The following FMNL3 variants were observed in gnomAD, a reference collection of about 807,000 sequenced individuals.
FMNL3 encodes formin like 3, also known as formin-like protein 3.
Under a neutral mutation model 119.6 loss-of-function variants are expected in FMNL3, and 57 were observed. The observed-to-expected ratio is 0.48, with a 90% CI of 0.39 to 0.59. The LOEUF (loss-of-function observed/expected upper bound fraction) is 0.59. Among genes scored for constraint, FMNL3 ranks in the 20% least tolerant of loss-of-function variants. The pLI, the probability that FMNL3 is intolerant of heterozygous loss-of-function variation, is 0.00. For synonymous variants in FMNL3, 491 were observed against 507.3 expected (o/e 0.97, Z 0.43); for missense variants, 1,053 against 1,323.5 (o/e 0.80, Z 3.17).
Position 49,641,035 on chromosome 12 carries a change from GGAGA to G in FMNL3, c.*4776_*4779del, listed in dbSNP as rs1942567997. On this transcript the variant is annotated 3_prime_UTR_variant, in exon 26 of 26. Transcript: ENST00000335154. Reference sequence around the variant, plus strand: ...CAGAGGAGGTGAGAGCTATGTGGAGGGAGAGAAAGGGAATCTGGCCTGTGCTTAA... The same window carrying G: ...CAGAGGAGGTGAGAGCTATGTGGAGGGAAAGGGAATCTGGCCTGTGCTTAA... 6.6e-6 allele frequency: 1 copy of G among 152,230 alleles called. No individual in the cohort carries two copies. Among genetic ancestry groups the G allele is most frequent in the Non-Finnish European group, 1.5e-5 (1 of 68,058 alleles). The allele number at this position is 152,230 out of a possible 1,614,324, so 9.4% of individuals were successfully genotyped here. A position where few individuals can be genotyped will look rare whatever the true frequency, so the allele number is the denominator to read the frequency against.
In FMNL3 at chr12:49,641,808, G is replaced by A. The variant is rs1434382060; in HGVS notation, c.*4007C>T. The A allele has an allele frequency of 3.2e-6, 3 of 951,824 alleles. No individual in the cohort carries two copies. Among genetic ancestry groups the A allele is most frequent in the Non-Finnish European group, 5.0e-6 (3 of 602,938 alleles). The allele number at this position is 951,824 out of a possible 1,614,324, so 59.0% of individuals were successfully genotyped here. A position where few individuals can be genotyped will look rare whatever the true frequency, so the allele number is the denominator to read the frequency against. ...CACAGTCCTGTGGATCTCTTCCAGA[G>A]GCAAGGGCCTTCTTGACCATCTGTA... On this transcript the variant is annotated 3_prime_UTR_variant, in exon 26 of 26. Coordinates refer to ENST00000335154, the MANE Select transcript of FMNL3 (RefSeq NM_175736.5).
intron 1 of FMNL3, among the ~76,000 whole-genome samples, chr12:49,684,488 A>C (rs1247249498): frequency 6.6e-6 from 1 of 152,224 alleles, no homozygotes; most frequent in Non-Finnish European, 1.5e-5. Context: ...GGAAAGAATC[A>C]ACTGAGAAGC....
intron 21 of FMNL3, 128 bp downstream of exon 21, chr12:49,648,901 G>T (rs1213774854): frequency 8.6e-6 from 12 of 1,403,118 alleles, no homozygotes; most frequent in Non-Finnish European, 1.1e-5. Context: ...GGAAAGCTTT[G>T]AAGTGGTCAG....
At chr12:49,690,661 C>T (rs1356996238) in intron 1 of FMNL3, among the ~76,000 whole-genome samples, 1 of 152,220 alleles carries the variant, frequency 6.6e-6, no homozygotes, top group African/African-American at 2.4e-5. Flanking sequence ...CTTTCCACCA[C>T]ACCTCTTAGC....
chr12:49,677,088 G>A (rs1003219027), intron 1 of FMNL3, among the ~76,000 whole-genome samples: 2 of 152,054 alleles, frequency 1.3e-5, no homozygotes, highest in East Asian at 1.9e-4. Context: ...ACCTCCTTTC[G>A]AATTGCCAGC....
In FMNL3 at chr12:49,649,082, G is replaced by C; in HGVS notation, c.2462C>G (p.Pro821Arg). 1 of 1,613,416 alleles carries C rather than the reference G, an allele frequency of 6.2e-7. No homozygotes were observed. The highest frequency in any genetic ancestry group is 8.5e-7 in the Non-Finnish European group (1 of 1,179,590). The change falls in exon 21 of 26, where the codon CCA (proline) becomes CGA (arginine). Residue 821 changes from proline to arginine, a missense_variant. Physicochemically the swap from Pro to Arg is moderately radical, Grantham distance 103 (BLOSUM62 -2). Transcript: ENST00000335154. The surrounding 1 kb of genome is among the most constrained non-coding windows in gnomAD (Gnocchi z 5.6). ...FIALTVKEKY[P>R]DLANFWHELH... is the part of the protein sequence containing the mutation. ...CTCATGCCAGAAGTTAGCCAGGTCT[G>C]GGTATTTCTCCTTCACTGTCAAGGC...
chr12:49,653,582 G>T, intron 12 of FMNL3, 143 bp downstream of exon 12: 1 of 1,230,146 alleles, frequency 8.1e-7, no homozygotes, highest in Non-Finnish European at 1.1e-6. Context: ...CAGTGGCTCA[G>T]GCCTGAGTAT....
rs1322438469 is a variant in FMNL3, at chr12:49,636,558, C to T, written c.*9257G>A. The T allele has an allele frequency of 2.6e-6, 2 of 766,118 alleles. No individual in the cohort carries two copies. Among genetic ancestry groups the T allele is most frequent in the African/African-American group, 1.7e-5 (1 of 57,714 alleles). 47.5% of individuals were successfully genotyped at this position (766,118 alleles called of 1,614,324 possible). On this transcript the variant is annotated 3_prime_UTR_variant, in exon 26 of 26. Coordinates refer to ENST00000335154, the MANE Select transcript of FMNL3 (RefSeq NM_175736.5). ...GATCCCCTCTTAAGAACTACCATTG[C>T]AGTGGCTGCTCCCACAGAGCCCCCT... is the stretch of plus-strand genomic sequence containing the variant.
rs1157008568 is a variant in FMNL3, at chr12:49,647,686, A to G, written c.2778+17T>C. 1 of 1,608,994 alleles carries G rather than the reference A, an allele frequency of 6.2e-7. No homozygotes were observed. The highest frequency in any genetic ancestry group is 1.1e-5 in the South Asian group (1 of 90,770). ...TTTCTCGCAACCAAACTTCTTAAAAAGCTCTCTGCAGCTTACCTTGTAAGA... is the reference window on the plus strand; with the variant it reads ...TTTCTCGCAACCAAACTTCTTAAAAGGCTCTCTGCAGCTTACCTTGTAAGA... On this transcript the variant is annotated intron_variant, in intron 23 of 25. Coordinates refer to ENST00000335154, the MANE Select transcript of FMNL3 (RefSeq NM_175736.5). The surrounding 1 kb of genome is among the most constrained non-coding windows in gnomAD (Gnocchi z 4.9).
chr12:49,678,483 G>A (rs1195863774), intron 1 of FMNL3, among the ~76,000 whole-genome samples: 1 of 151,614 alleles, frequency 6.6e-6, no homozygotes, highest in Admixed American at 6.6e-5. Context: ...TTTATTTTGA[G>A]ACAGGGTCTC....
chr12:49,658,152 G>A (rs1943627538), intron 6 of FMNL3, among the ~76,000 whole-genome samples: 1 of 152,216 alleles, frequency 6.6e-6, no homozygotes, highest in Admixed American at 6.5e-5. Flanking sequence ...AGGAGGAATG[G>A]CAGAGTGAGA....
chr12:49,686,503 G>C (rs373298897), intron 1 of FMNL3, among the ~76,000 whole-genome samples: 3 of 150,596 alleles, frequency 2.0e-5, no homozygotes, highest in Non-Finnish European at 4.4e-5. Flanking sequence ...GCATGAACTC[G>C]GGAGGCGGAG....
At position 49,652,564 on chromosome 12, in the gene FMNL3, C is replaced by T. The variant is rs138193925; in HGVS notation, c.1324-352G>A. ...GCTCTCTCCATAACCCTTTGGGCCTCATTTTGCTTTAATTTCACTTGGCCT... is the reference window on the plus strand; with the variant it reads ...GCTCTCTCCATAACCCTTTGGGCCTTATTTTGCTTTAATTTCACTTGGCCT... On this transcript the variant is annotated intron_variant, in intron 13 of 25. Coordinates refer to ENST00000335154, the MANE Select transcript of FMNL3 (RefSeq NM_175736.5). Among the ~76,000 whole-genome samples, 243 of 152,292 alleles carry T rather than the reference C, an allele frequency of 1.6e-3. No homozygotes were observed. The Middle Eastern group carries it at 0.02, about 13-fold the overall frequency.
At chr12:49,653,688 C>T (rs747989169) in intron 12 of FMNL3, 37 bp downstream of exon 12, 65 of 1,611,612 alleles carry the variant, frequency 4.0e-5, no homozygotes, top group Non-Finnish European at 5.2e-5. Context: ...GAGCTTCCAT[C>T]AACAGTGGCT....
Position 49,645,913 on chromosome 12 carries a change from A to G in FMNL3, c.2996-10T>C. ...GGCTGGCAGTGGAGGCCTGTGGGGG[A>G]AGAGAGAGACCTGTGAACAGGATGG... is the stretch of plus-strand genomic sequence containing the variant. On this transcript the variant is annotated splice_polypyrimidine_tract_variant and intron_variant, in intron 25 of 25. Transcript: ENST00000335154. 1 of 1,609,958 alleles carries G rather than the reference A, an allele frequency of 6.2e-7. No individual in the cohort carries two copies. Among genetic ancestry groups the G allele is most frequent in the South Asian group, 1.1e-5 (1 of 90,460 alleles).
chr12:49,668,525 G>A lies in FMNL3; in HGVS notation c.156C>T (p.Ala52=). The A allele has an allele frequency of 1.2e-6, 2 of 1,614,132 alleles. No individual in the cohort carries two copies. The highest frequency in any genetic ancestry group is 1.7e-5 in the Admixed American group (1 of 60,016). ...CATTGTCATACTGCCGCAGGAGCCG[G>A]GCCTTGTCTGGAGGCAGGTTCATGG... is the stretch of plus-strand genomic sequence containing the variant. The part of the protein sequence containing the change: ...LSSMNLPPDK[A]RLLRQYDNEK... The change falls in exon 2 of 26, where the codon GCC becomes GCT. Residue 52 remains alanine, a synonymous_variant. Transcript: ENST00000335154.
chr12:49,645,009 T>G lies in FMNL3; in HGVS notation c.*806A>C, dbSNP rs1231378490. 7.3e-6 allele frequency: 1 copy of G among 136,646 alleles called. No individual in the cohort carries two copies. The highest frequency in any genetic ancestry group is 2.8e-5 in the African/African-American group (1 of 35,140). The allele number at this position is 136,646 out of a possible 1,614,324, so 8.5% of individuals were successfully genotyped here. A position where few individuals can be genotyped will look rare whatever the true frequency, so the allele number is the denominator to read the frequency against. ...TAAGAGGAAAGGGAGGTGGTACATG[T>G]ACAAAAAAGTGGGCCCCCACATTCC... On this transcript the variant is annotated 3_prime_UTR_variant, in exon 26 of 26. Transcript: ENST00000335154.
In FMNL3 at chr12:49,641,871, C is replaced by T. The variant is rs758782882; in HGVS notation, c.*3944G>A. Reference sequence around the variant, plus strand: ...TGCCTGCCAGCTTTGGCCTCAGGCACGTGGTGCCCCTGCTTCATGCACTGC... The same window carrying T: ...TGCCTGCCAGCTTTGGCCTCAGGCATGTGGTGCCCCTGCTTCATGCACTGC... On this transcript the variant is annotated 3_prime_UTR_variant, in exon 26 of 26. Coordinates refer to ENST00000335154, the MANE Select transcript of FMNL3 (RefSeq NM_175736.5). The T allele has an allele frequency of 1.2e-5, 19 of 1,582,520 alleles. No homozygotes were observed. The highest frequency in any genetic ancestry group is 7.7e-5 in the South Asian group (7 of 90,428).
Position 49,643,795 on chromosome 12 carries a change from G to C in FMNL3, c.*2020C>G, listed in dbSNP as rs1445630259. On this transcript the variant is annotated 3_prime_UTR_variant, in exon 26 of 26. Transcript: ENST00000335154. ...TACCTAAGCCCCTGCTATTTTGTGA[G>C]TTCTGTTCTACCTGCCTCCCAGGCT... 1.9e-6 allele frequency: 3 copies of C among 1,613,750 alleles called. No homozygotes were observed. Among genetic ancestry groups the C allele is most frequent in the Admixed American group, 1.7e-5 (1 of 59,910 alleles).
Sources: allele counts gnomAD v4.1 joint callset (sites outside exome capture counted in the v4.1 genomes callset), GRCh38; gene constraint gnomAD v4.1.1; non-coding constraint Gnocchi (gnomAD v3.1); transcripts MANE v1.5; gene names NCBI Gene and HGNC (gene_info 2026-07-23, HGNC 2026-07-21).